Variants in COX10 observed in about 807,000 individuals in gnomAD.
COX10 encodes the protein protoheme IX farnesyltransferase, mitochondrial.
COX10 carries 27 observed loss-of-function variants against 37.3 expected under a neutral mutation model. The observed-to-expected ratio is 0.72, with a 90% CI of 0.53 to 1.00. COX10 has a LOEUF of 1.00. Ranked by LOEUF, COX10 falls within the 50% of genes least tolerant of loss-of-function variation. The pLI is 0.00. For synonymous variants in COX10, 222 were observed against 229.1 expected, an observed-to-expected ratio of 0.97 and a Z score of 0.28; for missense variants, 475 against 563.2, an observed-to-expected ratio of 0.84 and a Z score of 1.59.
chr17:14,134,283 C>T (rs1916530735), intron 4 of COX10, among the ~76,000 whole-genome samples: 1 of 151,652 alleles, frequency 6.6e-6, no homozygotes, highest in East Asian at 1.9e-4. Context: ...CATATGCATA[C>T]ATGCTTGTTA....
chr17:14,120,544 A>G (rs760017080), intron 4 of COX10, among the ~76,000 whole-genome samples: 8 of 152,190 alleles, frequency 5.3e-5, no homozygotes, highest in Non-Finnish European at 1.0e-4. Context: ...GGAAGAGTCC[A>G]TTGGATATAG....
chr17:14,156,288 C>G (rs558977225), intron 4 of COX10, among the ~76,000 whole-genome samples: 1 of 152,086 alleles, frequency 6.6e-6, no homozygotes, highest in Non-Finnish European at 1.5e-5. Context: ...TGCAGTGGCA[C>G]AATCTCAGCT....
chr17:14,143,133 A>G (rs764326893), intron 4 of COX10, among the ~76,000 whole-genome samples: 9 of 152,208 alleles, frequency 5.9e-5, no homozygotes, highest in African/African-American at 1.9e-4. Flanking sequence ...GGAGTATTCA[A>G]ATTAACAACT....
At chr17:14,077,781 T>C (rs921289694) in intron 3 of COX10, among the ~76,000 whole-genome samples, 11 of 152,190 alleles carry the variant, frequency 7.2e-5, no homozygotes, top group Admixed American at 6.5e-4. Context: ...TAAATGAGAA[T>C]AAAGAGACTG....
chr17:14,095,723 C>T (rs183196675), intron 3 of COX10, among the ~76,000 whole-genome samples: 255 of 152,258 alleles, frequency 1.7e-3, no homozygotes, highest in Non-Finnish European at 2.5e-3. Context: ...GGTCTTCTTC[C>T]GGGCTCACTG....
intron 3 of COX10, among the ~76,000 whole-genome samples, chr17:14,098,370 T>A (rs1222231450): frequency 6.6e-6 from 1 of 152,130 alleles, no homozygotes; most frequent in African/African-American, 2.4e-5. Context: ...AGAGGCAGCC[T>A]GGATGTTAAG....
intron 6 of COX10, among the ~76,000 whole-genome samples, chr17:14,198,532 A>G (rs1387469254): frequency 6.6e-6 from 1 of 152,194 alleles, no homozygotes; most frequent in East Asian, 1.9e-4. Flanking sequence ...TGTGATTCAA[A>G]TGTGTGTTAA....
chr17:14,084,717 A>G (rs898383769), intron 3 of COX10, among the ~76,000 whole-genome samples: 6 of 152,182 alleles, frequency 3.9e-5, no homozygotes, highest in East Asian at 3.9e-4. Context: ...CTGGAGTGCA[A>G]TGGCATGATC....
chr17:14,122,009 T>G (rs1288703188), intron 4 of COX10, among the ~76,000 whole-genome samples: 2 of 152,082 alleles, frequency 1.3e-5, no homozygotes, highest in African/African-American at 4.8e-5. Context: ...TGGGTCGTGT[T>G]GTTGAGTATC....
At chr17:14,104,022 T>TCTTC (rs1915839591) in intron 4 of COX10, among the ~76,000 whole-genome samples, 1 of 152,122 alleles carries the variant, frequency 6.6e-6, no homozygotes, top group Non-Finnish European at 1.5e-5. Context: ...GCACTCCTGA[T>TCTTC]CTTCCGCTGG....
At chr17:14,150,494 G>A (rs535173031) in intron 4 of COX10, among the ~76,000 whole-genome samples, 31 of 152,188 alleles carry the variant, frequency 2.0e-4, no homozygotes, top group Non-Finnish European at 2.9e-4. Flanking sequence ...GAGTCAAACC[G>A]TTGTAGGTTT....
intron 4 of COX10, among the ~76,000 whole-genome samples, chr17:14,136,082 A>AT (rs1904356921): frequency 6.6e-6 from 1 of 152,036 alleles, no homozygotes; most frequent in Non-Finnish European, 1.5e-5. Flanking sequence ...AAGGTGATTG[A>AT]TTTTAAGAAG....
At chr17:14,097,740 G>A (rs1274139320) in intron 3 of COX10, among the ~76,000 whole-genome samples, 1 of 151,988 alleles carries the variant, frequency 6.6e-6, no homozygotes, top group African/African-American at 2.4e-5. Context: ...AGTGATTATG[G>A]GGCTTTCTTG....
chr17:14,088,030 C>T (rs1915450996), intron 3 of COX10, among the ~76,000 whole-genome samples: 1 of 152,182 alleles, frequency 6.6e-6, no homozygotes, highest in African/African-American at 2.4e-5. Flanking sequence ...CTCTCCTGCA[C>T]TGTGGTGACA....
intron 3 of COX10, among the ~76,000 whole-genome samples, chr17:14,083,016 C>A (rs1006882601): frequency 6.6e-6 from 1 of 152,162 alleles, no homozygotes. Context: ...CCAGCGGAGC[C>A]GGTCACTACC....
rs146191748 is a variant in COX10 at position 14,118,420 on chromosome 17, G to T, written c.624+16178G>T. 1.6e-3 allele frequency among the ~76,000 whole-genome samples: 243 copies of T among 152,120 alleles called. 1 individual carries two copies. The highest frequency in any genetic ancestry group is 5.1e-3 in the African/African-American group (212 of 41,482). On this transcript the variant is annotated intron_variant, in intron 4 of 6. Coordinates refer to ENST00000261643, the MANE Select transcript of COX10 (RefSeq NM_001303.4). ...TTAATCAGTTTATTGTTTCAGATGA[G>T]GTTAAGAATTACTTTTTGAAGTTCT...
intron 5 of COX10, among the ~76,000 whole-genome samples, chr17:14,166,785 C>CTTTCTTTTTTTTTT (rs1905299526): frequency 1.0e-5 from 1 of 100,260 alleles, no homozygotes; most frequent in Non-Finnish European, 1.9e-5. Flanking sequence ...CTATTTCTTT[C>CTTTCTTTTTTTTTT]TTTTTTTTTT....
chr17:14,184,709 T>C (rs1905974742), intron 5 of COX10, among the ~76,000 whole-genome samples: 1 of 152,218 alleles, frequency 6.6e-6, no homozygotes, highest in African/African-American at 2.4e-5. Flanking sequence ...CACTAGAACA[T>C]GCCAAGAGAT....
In COX10 at chr17:14,207,784, A is replaced by C. The variant is rs1597552712; in HGVS notation, c.*571A>C. ...AATAGCTAGGACCCGGCTGCTGTGCACTGGGACTGGGGATTCCACATGTTT... is the reference window on the plus strand; with the variant it reads ...AATAGCTAGGACCCGGCTGCTGTGCCCTGGGACTGGGGATTCCACATGTTT... On this transcript the variant is annotated 3_prime_UTR_variant, in exon 7 of 7. Coordinates refer to ENST00000261643, the MANE Select transcript of COX10 (RefSeq NM_001303.4). The C allele has an allele frequency of 1.3e-5, 2 of 152,676 alleles. No homozygotes were observed. Among genetic ancestry groups the C allele is most frequent in the East Asian group, 3.8e-4 (2 of 5,198 alleles). The allele number at this position is 152,676 out of a possible 1,614,324, so 9.5% of individuals were successfully genotyped here. A position where few individuals can be genotyped will look rare whatever the true frequency, so the allele number is the denominator to read the frequency against.
Sources: gnomAD v4.1 joint callset for allele counts (sites outside exome capture counted in the v4.1 genomes callset) on GRCh38, gnomAD v4.1.1 for gene constraint, MANE v1.5 for transcripts, NCBI Gene and HGNC (gene_info 2026-07-23, HGNC 2026-07-21) for gene names.